Variants in TP63 observed in about 807,000 individuals in gnomAD.
TP63 encodes the protein tumor protein p63.
Under a neutral mutation model 82.8 loss-of-function variants are expected in TP63, and 17 were observed. The ratio of observed to expected loss-of-function variants is 0.21; its 90% CI spans 0.14 to 0.31. The LOEUF is 0.31. TP63 is among the 10% of genes least tolerant of loss of function. TP63 has a pLI of 1.00. For synonymous variants in TP63, 330 were observed against 321.7 expected (o/e 1.03, Z -0.28); for missense variants, 648 against 895.3 (o/e 0.72, Z 3.52).
chr3:189,712,768 G>A (rs1164039875), intron 1 of TP63, among the ~76,000 whole-genome samples: 2 of 152,016 alleles, frequency 1.3e-5, no homozygotes, highest in East Asian at 3.9e-4. Flanking sequence ...AGACAGAGTA[G>A]GCAAAGAGAA....
At chr3:189,685,429 C>G (rs1046533999) in intron 1 of TP63, among the ~76,000 whole-genome samples, 1 of 152,178 alleles carries the variant, frequency 6.6e-6, no homozygotes, top group African/African-American at 2.4e-5. Context: ...TTTCACTTCT[C>G]CTGCCTTTAT....
chr3:189,748,385 C>T lies in TP63; in HGVS notation c.324+9611C>T, dbSNP rs1244912851. On this transcript the variant is annotated intron_variant, in intron 3 of 13. Transcript: ENST00000264731. ...TACAAAAATCAGTAGCATTTCTATA[C>T]ATCAGTAACAAACTAGCTGAGAAAG... Among the ~76,000 whole-genome samples, 7 of 151,712 alleles carry T rather than the reference C, an allele frequency of 4.6e-5. No homozygotes were observed. The East Asian group carries it at 1.2e-3, about 25-fold the overall frequency.
chr3:189,850,280 C>A (rs945261097), intron 4 of TP63, among the ~76,000 whole-genome samples: 1 of 151,768 alleles, frequency 6.6e-6, no homozygotes, highest in Non-Finnish European at 1.5e-5. Context: ...AGACTCCATC[C>A]CCCCGTACCC....
intron 1 of TP63, among the ~76,000 whole-genome samples, chr3:189,633,224 T>C (rs538333179): frequency 1.4e-5 from 2 of 144,518 alleles, no homozygotes; most frequent in South Asian, 4.2e-4. Context: ...GTATTTTTGG[T>C]TTTTTTTTAA....
At position 189,896,023 on chromosome 3, in the gene TP63, C is replaced by T. The variant is rs181693641; in HGVS notation, c.*1521C>T. The stretch of plus-strand genomic sequence containing the variant: ...GCTGCTGTTGCTTAAACCACTTAAA[C>T]GAAGAGTTCCCTTGAAACTTTGGGA... On this transcript the variant is annotated 3_prime_UTR_variant, in exon 14 of 14. Transcript: ENST00000264731. 10 of 228,918 alleles carry T rather than the reference C, an allele frequency of 4.4e-5. No individual in the cohort carries two copies. Among genetic ancestry groups the T allele is most frequent in the East Asian group, 6.2e-5 (1 of 16,012 alleles). The allele number at this position is 228,918 out of a possible 1,614,324, so 14.2% of individuals were successfully genotyped here.
At chr3:189,892,383 G>A (rs1399871773) in intron 13 of TP63, among the ~76,000 whole-genome samples, 1 of 152,150 alleles carries the variant, frequency 6.6e-6, no homozygotes, top group Non-Finnish European at 1.5e-5. Flanking sequence ...TCACCTGTCA[G>A]TCATTAGTTA....
At chr3:189,884,284 G>A (rs916490253) in intron 10 of TP63, among the ~76,000 whole-genome samples, 2 of 152,194 alleles carry the variant, frequency 1.3e-5, no homozygotes, top group African/African-American at 4.8e-5. Context: ...CCACAGGGAC[G>A]GAGTGGATTC....
At chr3:189,678,296 A>G (rs1378919163) in intron 1 of TP63, among the ~76,000 whole-genome samples, 2 of 152,144 alleles carry the variant, frequency 1.3e-5, no homozygotes, top group Non-Finnish European at 2.9e-5. Flanking sequence ...AAGCAGTTTC[A>G]TTCCTCTGCA....
At chr3:189,848,978 A>C (rs1036210528) in intron 4 of TP63, among the ~76,000 whole-genome samples, 4 of 152,230 alleles carry the variant, frequency 2.6e-5, no homozygotes, top group Admixed American at 1.3e-4. Flanking sequence ...CCCAGCCTCC[A>C]GGAAGGAGAG....
chr3:189,708,183 T>C (rs902333056), intron 1 of TP63, among the ~76,000 whole-genome samples: 2 of 152,216 alleles, frequency 1.3e-5, no homozygotes, highest in African/African-American at 4.8e-5. Context: ...AGCTTAAAAA[T>C]GGTTTACTAA....
intron 1 of TP63, among the ~76,000 whole-genome samples, chr3:189,648,001 G>T (rs115262691): frequency 0.45 from 65,698 of 145,896 alleles, 18,869 homozygotes; most frequent in Middle Eastern, 0.66. Context: ...TTAAATAAAC[G>T]AATTTCAAAA....
chr3:189,694,315 T>C (rs1187727545), intron 1 of TP63, among the ~76,000 whole-genome samples: 1 of 152,218 alleles, frequency 6.6e-6, no homozygotes, highest in East Asian at 1.9e-4. Context: ...AATGAACTAA[T>C]AGTGATACAT....
the TP63 span, among the ~76,000 whole-genome samples, chr3:189,600,090 T>C: frequency 6.6e-6 from 1 of 152,160 alleles, no homozygotes; most frequent in Non-Finnish European, 1.5e-5. Flanking sequence ...AAAGATCTTG[T>C]CTGATAATTA....
At chr3:189,815,050 C>T (rs553826055) in intron 4 of TP63, among the ~76,000 whole-genome samples, 4 of 152,134 alleles carry the variant, frequency 2.6e-5, no homozygotes, top group African/African-American at 9.6e-5. Context: ...CTTCTTTCTC[C>T]CTATTCTTCT....
chr3:189,855,530 A>T (rs1156626746), intron 4 of TP63, among the ~76,000 whole-genome samples: 1 of 152,174 alleles, frequency 6.6e-6, no homozygotes, highest in Non-Finnish European at 1.5e-5. Context: ...ATACTAAATT[A>T]TACTATTCTA....
At position 189,728,977 on chromosome 3, in the gene TP63, TGA is replaced by T. The variant is rs143722330; in HGVS notation, c.63-8758_63-8757del. 7.2e-3 allele frequency among the ~76,000 whole-genome samples: 1,099 copies of T among 152,266 alleles called. 11 individuals carry two copies. Among genetic ancestry groups the T allele is most frequent in the African/African-American group, 0.023 (966 of 41,546 alleles). On this transcript the variant is annotated intron_variant, in intron 1 of 13. Coordinates refer to ENST00000264731, the MANE Select transcript of TP63 (RefSeq NM_003722.5). The stretch of plus-strand genomic sequence containing the variant: ...TGTAAGGAGGGTTTGCTCAAAAGAA[TGA>T]GAGACAAAGGTGATTAGATTTTTGT...
chr3:189,704,417 A>G (rs4399868), intron 1 of TP63, among the ~76,000 whole-genome samples: 389 of 152,360 alleles, frequency 2.6e-3, no homozygotes, highest in South Asian at 8.3e-3. Flanking sequence ...CACCATTTAA[A>G]TAATATCTAC....
chr3:189,623,508 G>A, the TP63 span, among the ~76,000 whole-genome samples: 87,954 of 151,984 alleles, frequency 0.58, 25,886 homozygotes, highest in Middle Eastern at 0.74. Context: ...CTATGAAGTT[G>A]AAGATGATAA....
chr3:189,872,488 C>G (rs1180998834), intron 9 of TP63, among the ~76,000 whole-genome samples: 1 of 151,944 alleles, frequency 6.6e-6, no homozygotes, highest in Non-Finnish European at 1.5e-5. Context: ...CACTAGATAG[C>G]ACTTCCGCAC....
Sources: gnomAD v4.1 joint callset for allele counts (sites outside exome capture counted in the v4.1 genomes callset) on GRCh38, gnomAD v4.1.1 for gene constraint, MANE v1.5 for transcripts, NCBI Gene and HGNC (gene_info 2026-07-23, HGNC 2026-07-21) for gene names.